The following POLK variants were observed in gnomAD, a reference collection of about 807,000 sequenced individuals.
POLK encodes the protein DNA polymerase kappa, also known as polymerase (DNA directed) kappa.
In POLK, 76 loss-of-function variants were observed where a neutral mutation model predicts 94.0. That is an observed-to-expected ratio of 0.81 (90% CI 0.67 to 0.98). The LOEUF (loss-of-function observed/expected upper bound fraction) is 0.98. POLK is among the 50% of genes least tolerant of loss of function. POLK has a pLI of 0.00. For synonymous variants in POLK, 349 were observed against 325.4 expected, an observed-to-expected ratio of 1.07 and a Z score of -0.78; for missense variants, 954 against 1,010.1, an observed-to-expected ratio of 0.94 and a Z score of 0.75.
chr5:75,578,930 G>A (rs1386828912), intron 6 of POLK, among the ~76,000 whole-genome samples: 2 of 152,194 alleles, frequency 1.3e-5, no homozygotes, highest in Admixed American at 1.3e-4. Flanking sequence ...CAAATGAAAT[G>A]CTTTAATCCT....
chr5:75,513,655 A>G (rs749654211), intron 1 of POLK, among the ~76,000 whole-genome samples: 6 of 152,158 alleles, frequency 3.9e-5, no homozygotes, highest in Non-Finnish European at 7.4e-5. Flanking sequence ...ATGTATTCCC[A>G]TATCTTTTAC....
chr5:75,571,986 A>G (rs1329751063), intron 4 of POLK, among the ~76,000 whole-genome samples: 58 of 152,234 alleles, frequency 3.8e-4, no homozygotes, highest in Non-Finnish European at 5.9e-5. Flanking sequence ...AAGGATTAGT[A>G]TAGTTCTGAG....
intron 1 of POLK, among the ~76,000 whole-genome samples, chr5:75,517,319 A>G (rs947109946): frequency 6.6e-6 from 1 of 152,094 alleles, no homozygotes; most frequent in Non-Finnish European, 1.5e-5. Flanking sequence ...TTTCTTCATC[A>G]GTGTTTTATA....
chr5:75,597,132 T>A (rs772982794), exon 13 of POLK: 1 of 1,611,014 alleles, frequency 6.2e-7, no homozygotes, highest in African/African-American at 1.3e-5. Flanking sequence ...TAAGAAAGGA[T>A]AAATTTAACC....
At chr5:75,572,515 A>G (rs541464306) in intron 4 of POLK, among the ~76,000 whole-genome samples, 2 of 152,300 alleles carry the variant, frequency 1.3e-5, no homozygotes, top group South Asian at 4.1e-4. Context: ...CTATTATTTT[A>G]TGACTATTCT....
chr5:75,606,675 G>A, the POLK span, among the ~76,000 whole-genome samples: 1 of 151,326 alleles, frequency 6.6e-6, no homozygotes, highest in South Asian at 2.1e-4. Context: ...TGGGGGTAAG[G>A]TCACAGAATC....
At chr5:75,552,555 A>C (rs1279961733) in exon 3 of POLK, 1 of 1,612,332 alleles carries the variant, frequency 6.2e-7, no homozygotes. Context: ...AAAAAGCTCA[A>C]ATCACCAGCC....
chr5:75,584,913 A>G (rs1772387729), exon 9 of POLK: 2 of 1,592,544 alleles, frequency 1.3e-6, no homozygotes, highest in Non-Finnish European at 1.7e-6. Flanking sequence ...TCTAGGTTCA[A>G]CACACCTGAC....
intron 7 of POLK, 54 bp from the exon 8 acceptor site, chr5:75,583,239 T>G: frequency 7.2e-7 from 1 of 1,382,142 alleles, no homozygotes; most frequent in Non-Finnish European, 9.8e-7. Context: ...TATTGCATAT[T>G]TAAAAGTCAT....
At chr5:75,518,417 G>A (rs1337610767) in intron 1 of POLK, among the ~76,000 whole-genome samples, 1 of 151,990 alleles carries the variant, frequency 6.6e-6, no homozygotes, top group Non-Finnish European at 1.5e-5. Context: ...CCAATTTGTT[G>A]GCGTATAGTT....
At chr5:75,527,795 G>A (rs1768947892) in intron 1 of POLK, among the ~76,000 whole-genome samples, 1 of 152,112 alleles carries the variant, frequency 6.6e-6, no homozygotes, top group Admixed American at 6.6e-5. Context: ...AATTCCATGT[G>A]TTGCTTTTAA....
At chr5:75,569,265 A>T in intron 3 of POLK, 75 bp from the exon 4 acceptor site, 1 of 968,682 alleles carries the variant, frequency 1.0e-6, no homozygotes, top group Non-Finnish European at 1.5e-6. Context: ...TTAATAAATT[A>T]AGATTAATGT....
intron 1 of POLK, among the ~76,000 whole-genome samples, chr5:75,542,370 T>C (rs1769781841): frequency 6.6e-6 from 1 of 151,976 alleles, no homozygotes. Flanking sequence ...CCTTCTCTCT[T>C]ATTACTTTTG....
chr5:75,604,939 AT>A (rs964058303), downstream of POLK, among the ~76,000 whole-genome samples: 1 of 152,180 alleles, frequency 6.6e-6, no homozygotes, highest in African/African-American at 2.4e-5. Flanking sequence ...TAAGCAAACC[AT>A]AATATTGAAC....
At chr5:75,511,664 G>A (rs1768014263), upstream of POLK, 1 of 1,500,548 alleles carries the variant, frequency 6.7e-7, no homozygotes, top group African/African-American at 1.4e-5. Context: ...CCTCCCCTTC[G>A]TCCTCCCATT....
At chr5:75,515,392 A>G (rs982131147) in intron 1 of POLK, among the ~76,000 whole-genome samples, 2 of 152,208 alleles carry the variant, frequency 1.3e-5, no homozygotes, top group African/African-American at 2.4e-5. Flanking sequence ...GCCTCAAGCA[A>G]TCCTCCTGCC....
In POLK at chr5:75,531,519, G is replaced by C. The variant is rs189365564; in HGVS notation, c.-13-15491G>C. ...AGATAATTATAAAACTTGAGGCTGGGTGTGGTGGCTCACGCCTGTAATCCC... is the reference window on the plus strand; with the variant it reads ...AGATAATTATAAAACTTGAGGCTGGCTGTGGTGGCTCACGCCTGTAATCCC... On this transcript the variant is annotated intron_variant, in intron 1 of 14. Coordinates refer to ENST00000241436, the Ensembl canonical transcript of POLK. Among the ~76,000 whole-genome samples, 33 of 152,268 alleles carry C rather than the reference G, an allele frequency of 2.2e-4. No individual in the cohort carries two copies. In the East Asian group the frequency reaches 6.4e-3, roughly 29 times the overall value.
Position 75,584,903 on chromosome 5 carries a change from T to TCTAG in POLK, c.1204_1207dup (p.Gly403AlafsTer18), listed in dbSNP as rs1581082652. The TCTAG allele has an allele frequency of 1.2e-6, 2 of 1,602,140 alleles. No individual in the cohort carries two copies. Among genetic ancestry groups the TCTAG allele is most frequent in the South Asian group, 2.2e-5 (2 of 88,940 alleles). On this transcript the variant is annotated frameshift_variant, in exon 9 of 15. Transcript: ENST00000241436. LOFTEE classifies it high-confidence loss of function. The stretch of plus-strand genomic sequence containing the variant: ...ATTATTTCCTTCATATCTCCTTGGG[T>TCTAG]CTAGGTTCAACACACCTGACGAGGT...
At position 75,548,013 on chromosome 5, in the gene POLK, C is replaced by T. The variant is rs571500936; in HGVS notation, c.135+856C>T. Reference sequence around the variant, plus strand: ...ACAATAATAGCTCGTTACAGCCTCACCCTGGTCTCAAGTGTTCCTCCCACC... The same window carrying T: ...ACAATAATAGCTCGTTACAGCCTCATCCTGGTCTCAAGTGTTCCTCCCACC... On this transcript the variant is annotated intron_variant, in intron 2 of 14. Coordinates refer to ENST00000241436, the Ensembl canonical transcript of POLK. 4.6e-5 allele frequency among the ~76,000 whole-genome samples: 7 copies of T among 152,226 alleles called. No individual in the cohort carries two copies. In the South Asian group the frequency reaches 1.5e-3, roughly 32 times the overall value.
Sources: allele counts gnomAD v4.1 joint callset (sites outside exome capture counted in the v4.1 genomes callset), GRCh38; gene constraint gnomAD v4.1.1; transcripts MANE v1.5; gene names NCBI Gene and HGNC (gene_info 2026-07-23, HGNC 2026-07-21).